The following DENND4C variants were observed in gnomAD, a reference collection of about 807,000 sequenced individuals.
The protein encoded by DENND4C is DENN domain-containing protein 4C.
A neutral mutation model predicts 203.0 loss-of-function variants in DENND4C; 108 were observed. The ratio of observed to expected loss-of-function variants is 0.53; its 90% CI spans 0.46 to 0.62. DENND4C has a LOEUF of 0.62. Among genes scored for constraint, DENND4C ranks in the 20% least tolerant of loss-of-function variants. DENND4C has a pLI of 0.00. For synonymous variants in DENND4C, 871 were observed against 792.4 expected (o/e 1.10, Z -1.67); for missense variants, 2,481 against 2,301.2 (o/e 1.08, Z -1.60).
intron 1 of DENND4C, among the ~76,000 whole-genome samples, chr9:19,233,129 G>A (rs756814178): frequency 2.6e-5 from 4 of 152,070 alleles, no homozygotes; most frequent in African/African-American, 4.8e-5. Context: ...AAGTTGCTGA[G>A]TCAGTGGCAG....
intron 1 of DENND4C, among the ~76,000 whole-genome samples, chr9:19,249,293 C>A (rs1028216403): frequency 6.6e-6 from 1 of 151,814 alleles, no homozygotes; most frequent in African/African-American, 2.4e-5. Context: ...GCTCTTATCC[C>A]CCAGGCTGGA....
chr9:19,290,556 T>C, intron 4 of DENND4C, 148 bp from the exon 5 acceptor site: 1 of 512,290 alleles, frequency 2.0e-6, no homozygotes. Context: ...TTTTAGTTTC[T>C]GTTATAGCAA....
intron 26 of DENND4C, among the ~76,000 whole-genome samples, chr9:19,354,269 A>G (rs1349166997): frequency 1.3e-5 from 2 of 152,174 alleles, no homozygotes; most frequent in Non-Finnish European, 2.9e-5. Flanking sequence ...CACGGTAGTA[A>G]TGCAGTGCAC....
chr9:19,354,549 CTTTTTTTTTTT>C (rs66823332), intron 26 of DENND4C, among the ~76,000 whole-genome samples: 7 of 87,294 alleles, frequency 8.0e-5, no homozygotes, highest in Non-Finnish European at 8.5e-5. Context: ...TTATTCTAGC[CTTTTTTTTTTT>C]TTTTTTTTTT....
At chr9:19,327,323 T>C (rs1391671081) in intron 15 of DENND4C, among the ~76,000 whole-genome samples, 1 of 152,018 alleles carries the variant, frequency 6.6e-6, no homozygotes, top group Non-Finnish European at 1.5e-5. Flanking sequence ...TTCAAAGAAA[T>C]GCAAACCAAA....
intron 5 of DENND4C, chr9:19,291,188 A>G (rs549665552): frequency 9.6e-6 from 2 of 208,082 alleles, no homozygotes; most frequent in Admixed American, 1.1e-4. Flanking sequence ...ACACAATTAA[A>G]AAGCAGGGTT....
At chr9:19,261,592 T>A (rs376440995) in intron 1 of DENND4C, among the ~76,000 whole-genome samples, 1 of 151,886 alleles carries the variant, frequency 6.6e-6, no homozygotes, top group Non-Finnish European at 1.5e-5. Context: ...AGTCTTGACC[T>A]CCTAGGCTCA....
chr9:19,357,368 A>G, intron 27 of DENND4C: 1 of 499,084 alleles, frequency 2.0e-6, no homozygotes, highest in East Asian at 3.3e-5. Context: ...GTTGTCTTTT[A>G]CAAAATGAAC....
intron 17 of DENND4C, among the ~76,000 whole-genome samples, chr9:19,333,962 C>CTTTAATTCCTT (rs1269179333): frequency 2.6e-5 from 4 of 152,306 alleles, no homozygotes; most frequent in African/African-American, 9.6e-5. Context: ...GAGATACTGT[C>CTTTAATTCCTT]TTTAATTCCT....
At chr9:19,260,720 A>G (rs904123335) in intron 1 of DENND4C, among the ~76,000 whole-genome samples, 8 of 152,160 alleles carry the variant, frequency 5.3e-5, no homozygotes, top group African/African-American at 1.9e-4. Context: ...TTAATACCTT[A>G]TCAAATGGAT....
intron 1 of DENND4C, among the ~76,000 whole-genome samples, chr9:19,249,773 T>G (rs1251910392): frequency 6.6e-6 from 1 of 152,180 alleles, no homozygotes; most frequent in Non-Finnish European, 1.5e-5. Context: ...TCCTCTTGCC[T>G]CAGCCTCCTG....
chr9:19,298,419 T>C (rs1418335263), intron 7 of DENND4C, among the ~76,000 whole-genome samples: 3 of 152,198 alleles, frequency 2.0e-5, no homozygotes, highest in Non-Finnish European at 4.4e-5. Context: ...TGGGCATGTT[T>C]TTAATACCAG....
intron 2 of DENND4C, among the ~76,000 whole-genome samples, chr9:19,282,105 T>C (rs1564116325): frequency 1.3e-5 from 2 of 152,106 alleles, no homozygotes; most frequent in Non-Finnish European, 2.9e-5. Context: ...TTATAAACTT[T>C]TAAAGTTTTT....
At chr9:19,271,515 T>G (rs1200875691) in intron 1 of DENND4C, among the ~76,000 whole-genome samples, 1 of 152,184 alleles carries the variant, frequency 6.6e-6, no homozygotes, top group African/African-American at 2.4e-5. Context: ...AAGTGGATTC[T>G]AAATTGCTTA....
At chr9:19,311,013 CTTTG>C (rs1840630871) in intron 10 of DENND4C, among the ~76,000 whole-genome samples, 1 of 152,098 alleles carries the variant, frequency 6.6e-6, no homozygotes, top group African/African-American at 2.4e-5. Context: ...GCGGACCATA[CTTTG>C]TATATAATGC....
intron 12 of DENND4C, among the ~76,000 whole-genome samples, chr9:19,322,756 G>C (rs1051985452): frequency 6.6e-6 from 1 of 151,162 alleles, no homozygotes; most frequent in Non-Finnish European, 1.5e-5. Flanking sequence ...AAAAAATAAG[G>C]GGGCCAGTGG....
chr9:19,282,689 T>G lies in DENND4C; in HGVS notation c.306-4080T>G, dbSNP rs35517003. 3.4e-5 allele frequency among the ~76,000 whole-genome samples: 5 copies of G among 149,172 alleles called. No homozygotes were observed. The Admixed American group carries it at 3.4e-4, about 10-fold the overall frequency. ...CTTGGTTTTTAAACTTTATTTTTTGTTTTTCTTTTTCTTTTTTTCTTCTCT... is the reference window on the plus strand; with the variant it reads ...CTTGGTTTTTAAACTTTATTTTTTGGTTTTCTTTTTCTTTTTTTCTTCTCT... On this transcript the variant is annotated intron_variant, in intron 2 of 32. Coordinates refer to ENST00000434457, the MANE Select transcript of DENND4C (RefSeq NM_001330640.2).
At chr9:19,336,567 T>C in intron 19 of DENND4C, 119 bp from the exon 20 acceptor site, 1 of 1,434,330 alleles carries the variant, frequency 7.0e-7, no homozygotes, top group South Asian at 1.5e-5. Flanking sequence ...ATTATTTTTG[T>C]TTTTTTCCAG....
chr9:19,341,311 CTT>C (rs5896841), intron 21 of DENND4C, among the ~76,000 whole-genome samples, 197 bp downstream of exon 21: 56 of 120,118 alleles, frequency 4.7e-4, no homozygotes, highest in Non-Finnish European at 5.9e-4. Context: ...TTCTTTCTTT[CTT>C]TTTTTTTTTT....
Sources: gnomAD v4.1 joint callset for allele counts (sites outside exome capture counted in the v4.1 genomes callset) on GRCh38, gnomAD v4.1.1 for gene constraint, MANE v1.5 for transcripts, NCBI Gene and HGNC (gene_info 2026-07-23, HGNC 2026-07-21) for gene names.